Variants in CCDC85A observed in about 807,000 individuals in gnomAD.
The protein encoded by CCDC85A is coiled-coil domain-containing protein 85A.
CCDC85A carries 38 observed loss-of-function variants against 50.2 expected under a neutral mutation model. The observed-to-expected ratio is 0.76, with a 90% confidence interval of 0.58 to 0.99. The LOEUF is 0.99. Ranked by LOEUF, CCDC85A falls within the 50% of genes least tolerant of loss-of-function variation. CCDC85A has a pLI of 0.00. For missense variants in CCDC85A, 820 were observed against 742.0 expected (o/e 1.11, Z -1.22); for synonymous variants, 366 against 301.4 (o/e 1.21, Z -2.22).
intron 3 of CCDC85A, among the ~76,000 whole-genome samples, chr2:56,348,557 T>C (rs945934107): frequency 1.3e-5 from 2 of 152,204 alleles, no homozygotes; most frequent in African/African-American, 4.8e-5. Context: ...TTCAGTGCCT[T>C]GGCAAGAGGC....
At chr2:56,343,055 TAGAA>T in intron 3 of CCDC85A, 100 bp downstream of exon 3, 8 of 809,448 alleles carry the variant, frequency 9.9e-6, no homozygotes, top group Non-Finnish European at 1.6e-5. Context: ...TTTTAAATGA[TAGAA>T]ATCATTTTGT....
At chr2:56,289,666 C>T (rs1241369551) in intron 2 of CCDC85A, among the ~76,000 whole-genome samples, 3 of 152,122 alleles carry the variant, frequency 2.0e-5, no homozygotes, top group Admixed American at 2.0e-4. Context: ...TCTCAGTGGT[C>T]ATCCCTACCA....
Position 56,285,296 on chromosome 2 carries a change from G to T in CCDC85A, c.1241-57583G>T, listed in dbSNP as rs530782069. On this transcript the variant is annotated intron_variant, in intron 2 of 5. Coordinates refer to ENST00000407595, the MANE Select transcript of CCDC85A (RefSeq NM_001080433.2). The stretch of plus-strand genomic sequence containing the variant: ...TTTTTGTGTTTTTCATAGAGATGGG[G>T]TTTCACCATGTTGGCCAGACTGATC... Among the ~76,000 whole-genome samples the T allele has an allele frequency of 1.5e-3, 228 of 151,022 alleles. 5 individuals carry two copies. Among genetic ancestry groups the T allele is most frequent in the Non-Finnish European group, 1.5e-3 (103 of 67,768 alleles).
intron 3 of CCDC85A, among the ~76,000 whole-genome samples, chr2:56,366,113 T>C (rs1049241331): frequency 5.3e-5 from 8 of 152,228 alleles, no homozygotes; most frequent in Non-Finnish European, 1.0e-4. Context: ...GGCTGAATAG[T>C]ATTCTGTTGT....
chr2:56,243,002 T>C (rs1305718171), intron 2 of CCDC85A, among the ~76,000 whole-genome samples: 1 of 152,148 alleles, frequency 6.6e-6, no homozygotes, highest in African/African-American at 2.4e-5. Context: ...CAGCACAATT[T>C]ATTGAAAAGA....
At chr2:56,228,785 G>A (rs1184345613) in intron 2 of CCDC85A, among the ~76,000 whole-genome samples, 3 of 151,974 alleles carry the variant, frequency 2.0e-5, no homozygotes, top group Non-Finnish European at 4.4e-5. Context: ...CGCCCGCCTC[G>A]GCCTCCCAAA....
intron 2 of CCDC85A, among the ~76,000 whole-genome samples, chr2:56,250,717 A>C (rs958247230): frequency 6.6e-6 from 1 of 151,612 alleles, no homozygotes; most frequent in Non-Finnish European, 1.5e-5. Flanking sequence ...ATATCAAACC[A>C]CTCCCCCAAA....
rs1211082831 is a variant in CCDC85A at position 56,375,844 on chromosome 2, A to T, written c.1481A>T (p.Asp494Val). The T allele has an allele frequency of 1.2e-6, 2 of 1,613,610 alleles. No individual in the cohort carries two copies. Among genetic ancestry groups the T allele is most frequent in the African/African-American group, 1.3e-5 (1 of 74,906 alleles). The change falls in exon 5 of 6, where the codon GAT (aspartate) becomes GTT (valine). Residue 494 changes from aspartate (D) to valine (V), a missense_variant. Asp to Val is a radical substitution (Grantham distance 152). Transcript: ENST00000407595. ...PGSFRLSSGA[D>V]GSNSSPNSAA... ...TCTTTTAGGTTGTCATCAGGGGCTG[A>T]TGGGAGTAACAGTTCACCCAACTCT...
chr2:56,278,520 C>A (rs1357301057), intron 2 of CCDC85A, among the ~76,000 whole-genome samples: 1 of 152,098 alleles, frequency 6.6e-6, no homozygotes, highest in African/African-American at 2.4e-5. Context: ...TTGTCCTTCT[C>A]AACTCAGTCT....
chr2:56,383,349 C>G (rs559178763), intron 5 of CCDC85A, among the ~76,000 whole-genome samples: 1 of 151,958 alleles, frequency 6.6e-6, no homozygotes, highest in Non-Finnish European at 1.5e-5. Flanking sequence ...TGATCATAAT[C>G]CTTAGCGTGA....
chr2:56,305,167 T>C (rs1323687025), intron 2 of CCDC85A, among the ~76,000 whole-genome samples: 1 of 151,928 alleles, frequency 6.6e-6, no homozygotes, highest in East Asian at 1.9e-4. Context: ...AGTATAATGG[T>C]GGTCATGATT....
chr2:56,361,833 A>G (rs566364438), intron 3 of CCDC85A, among the ~76,000 whole-genome samples: 41 of 152,286 alleles, frequency 2.7e-4, no homozygotes, highest in Non-Finnish European at 5.1e-4. Flanking sequence ...TCATTAATTC[A>G]CATTTTTGAA....
chr2:56,197,295 C>G (rs1214570801), intron 2 of CCDC85A, among the ~76,000 whole-genome samples: 1 of 151,924 alleles, frequency 6.6e-6, no homozygotes. Context: ...TCAGTAGCAT[C>G]CCTGGGCTTT....
At chr2:56,187,540 T>G (rs1173263501) in intron 1 of CCDC85A, among the ~76,000 whole-genome samples, 3 of 152,184 alleles carry the variant, frequency 2.0e-5, no homozygotes, top group Non-Finnish European at 4.4e-5. Flanking sequence ...CTTTGGCCAA[T>G]TGTTAAACTC....
intron 2 of CCDC85A, among the ~76,000 whole-genome samples, chr2:56,336,633 T>G (rs144316329): frequency 5.2e-4 from 79 of 152,294 alleles, no homozygotes; most frequent in African/African-American, 1.8e-3. Context: ...TATACAATCA[T>G]CAGTGTAATT....
intron 2 of CCDC85A, among the ~76,000 whole-genome samples, chr2:56,269,806 A>T (rs908881629): frequency 5.3e-5 from 8 of 152,282 alleles, no homozygotes; most frequent in African/African-American, 1.7e-4. Flanking sequence ...CATAAAGTAG[A>T]GTTAACATCC....
intron 2 of CCDC85A, among the ~76,000 whole-genome samples, chr2:56,221,391 A>G (rs1668322093): frequency 2.0e-5 from 3 of 151,912 alleles, no homozygotes; most frequent in Admixed American, 1.3e-4. Context: ...TGTAAAACAT[A>G]CTGACTGATG....
intron 2 of CCDC85A, among the ~76,000 whole-genome samples, chr2:56,206,962 A>T (rs1409056628): frequency 2.0e-5 from 1 of 50,238 alleles, no homozygotes; most frequent in Non-Finnish European, 4.4e-5. Context: ...ATGAAGGTGT[A>T]CTGTTTTTTT....
At chr2:56,360,281 A>T (rs1675458787) in intron 3 of CCDC85A, among the ~76,000 whole-genome samples, 1 of 152,224 alleles carries the variant, frequency 6.6e-6, no homozygotes, top group Non-Finnish European at 1.5e-5. Flanking sequence ...CAGGCTTATT[A>T]GTCTCTCTTC....
Sources: gnomAD v4.1 joint callset for allele counts (sites outside exome capture counted in the v4.1 genomes callset) on GRCh38, gnomAD v4.1.1 for gene constraint, MANE v1.5 for transcripts, NCBI Gene and HGNC (gene_info 2026-07-23, HGNC 2026-07-21) for gene names.